The following EYS variants were observed in gnomAD, a reference collection of about 807,000 sequenced individuals.
EYS encodes the protein protein eyes shut homolog.
In EYS, 250 loss-of-function variants were observed where a neutral mutation model predicts 282.1. The ratio of observed to expected loss-of-function variants is 0.89; its 90% confidence interval spans 0.80 to 0.98. The LOEUF is 0.98. Among genes scored for constraint, EYS ranks in the 50% least tolerant of loss-of-function variants. EYS has a pLI of 0.00. For synonymous variants in EYS, 1,355 were observed against 1,282.9 expected, an observed-to-expected ratio of 1.06 and a Z score of -1.20; for missense variants, 4,016 against 3,709.0, an observed-to-expected ratio of 1.08 and a Z score of -2.15.
chr6:64,735,630 T>C (rs1772162159), intron 22 of EYS, among the ~76,000 whole-genome samples: 1 of 152,214 alleles, frequency 6.6e-6, no homozygotes, highest in Non-Finnish European at 1.5e-5. Context: ...AGGAAAATGA[T>C]TGTACACATT....
intron 29 of EYS, among the ~76,000 whole-genome samples, chr6:64,384,495 T>C (rs560740281): frequency 5.7e-4 from 87 of 152,312 alleles, no homozygotes; most frequent in Middle Eastern, 3.4e-3. Context: ...CTTCTGCATA[T>C]ATAAAAAACA....
chr6:64,821,396 C>T (rs972033170), intron 21 of EYS, among the ~76,000 whole-genome samples: 3 of 151,498 alleles, frequency 2.0e-5, no homozygotes, highest in East Asian at 3.9e-4. Context: ...GTGGGGCGGT[C>T]GGCGGGAGGG....
At position 64,288,197 on chromosome 6, in the gene EYS, T is replaced by A. The variant is rs147146976; in HGVS notation, c.6191+18773A>T. Among the ~76,000 whole-genome samples the A allele has an allele frequency of 2.4e-3, 370 of 152,258 alleles. 1 individual carries two copies. The highest frequency in any genetic ancestry group is 8.1e-3 in the African/African-American group (336 of 41,570). ...GCTCTTTTCACTCTGCACAGTTTCC[T>A]TGGGTGTCTTTTTACTCATTTTAAT... On this transcript the variant is annotated intron_variant, in intron 30 of 42. Coordinates refer to ENST00000503581, the MANE Select transcript of EYS (RefSeq NM_001142800.2).
intron 33 of EYS, among the ~76,000 whole-genome samples, chr6:64,055,520 C>T (rs565950705): frequency 1.3e-5 from 2 of 152,224 alleles, no homozygotes; most frequent in African/African-American, 4.8e-5. Flanking sequence ...CTGCCTTTTA[C>T]GTGTCCTGTG....
At chr6:63,928,592 A>G (rs1027167211) in intron 35 of EYS, among the ~76,000 whole-genome samples, 3 of 152,114 alleles carry the variant, frequency 2.0e-5, no homozygotes, top group Non-Finnish European at 4.4e-5. Flanking sequence ...GCATGATAAT[A>G]AGTATATATC....
chr6:64,238,036 T>C (rs1309581144), intron 30 of EYS, among the ~76,000 whole-genome samples: 2 of 152,194 alleles, frequency 1.3e-5, no homozygotes, highest in African/African-American at 4.8e-5. Context: ...CCTTAATAAG[T>C]TTAGTAAGAT....
At chr6:63,924,098 T>C (rs1581982002) in intron 35 of EYS, among the ~76,000 whole-genome samples, 1 of 152,136 alleles carries the variant, frequency 6.6e-6, no homozygotes, top group African/African-American at 2.4e-5. Context: ...AATTCAGTGA[T>C]GGGAAGGAAA....
intron 2 of EYS, among the ~76,000 whole-genome samples, chr6:65,602,941 G>A (rs2149790902): frequency 6.6e-6 from 1 of 152,076 alleles, no homozygotes; most frequent in Middle Eastern, 3.4e-3. Flanking sequence ...TTAGGAGAAT[G>A]ACTAAGGTAA....
intron 33 of EYS, among the ~76,000 whole-genome samples, chr6:64,049,832 A>G (rs1770747606): frequency 6.6e-6 from 1 of 152,200 alleles, no homozygotes. Flanking sequence ...AGACAGATAG[A>G]AATGAGGTTA....
chr6:64,939,373 T>A lies in EYS; in HGVS notation c.2381+6420A>T, dbSNP rs537434557. On this transcript the variant is annotated intron_variant, in intron 15 of 42. Coordinates refer to ENST00000503581, the MANE Select transcript of EYS (RefSeq NM_001142800.2). Reference sequence around the variant, plus strand: ...GTTTGTCTTAATTTAGGTAACAAAATCTCCTGAAACATTTATACATTTAAA... The same window carrying A: ...GTTTGTCTTAATTTAGGTAACAAAAACTCCTGAAACATTTATACATTTAAA... Among the ~76,000 whole-genome samples, 75 of 151,916 alleles carry A rather than the reference T, an allele frequency of 4.9e-4. 1 individual carries two copies. The highest frequency in any genetic ancestry group is 3.4e-3 in the Middle Eastern group (1 of 292).
At chr6:64,174,715 T>C (rs1177382496) in intron 31 of EYS, among the ~76,000 whole-genome samples, 1 of 151,970 alleles carries the variant, frequency 6.6e-6, no homozygotes, top group African/African-American at 2.4e-5. Context: ...TAGTCAATTA[T>C]TTAGTGTAAA....
At chr6:64,361,198 A>G (rs1003956304) in intron 29 of EYS, among the ~76,000 whole-genome samples, 3 of 110,410 alleles carry the variant, frequency 2.7e-5, no homozygotes, top group Non-Finnish European at 5.7e-5. Flanking sequence ...TTATGATTTA[A>G]TCAGAAAATA....
intron 22 of EYS, among the ~76,000 whole-genome samples, chr6:64,779,057 T>TA (rs1562187161): frequency 6.6e-6 from 1 of 152,116 alleles, no homozygotes; most frequent in African/African-American, 2.4e-5. Context: ...GCAAAAATGA[T>TA]ACAACCACTT....
chr6:65,397,929 A>G (rs1766349329), intron 7 of EYS, among the ~76,000 whole-genome samples: 1 of 151,810 alleles, frequency 6.6e-6, no homozygotes, highest in Admixed American at 6.6e-5. Context: ...TTGTTTCTTG[A>G]CTTTTTAGTA....
At chr6:64,131,390 C>T (rs1364689280) in intron 31 of EYS, among the ~76,000 whole-genome samples, 1 of 151,952 alleles carries the variant, frequency 6.6e-6, no homozygotes, top group Non-Finnish European at 1.5e-5. Flanking sequence ...ATGTTGCTTG[C>T]TCAAAATAAT....
chr6:63,826,888 AT>A (rs1771483484), intron 36 of EYS, among the ~76,000 whole-genome samples: 1 of 151,584 alleles, frequency 6.6e-6, no homozygotes, highest in Non-Finnish European at 1.5e-5. Flanking sequence ...AAAAAAATAC[AT>A]AGGCAACAAA....
intron 31 of EYS, among the ~76,000 whole-genome samples, chr6:64,125,154 G>GCGCGCGCGCGCTCTCTCTCTC (rs1773724746): frequency 2.8e-5 from 4 of 145,332 alleles, no homozygotes; most frequent in African/African-American, 1.0e-4. Flanking sequence ...CACACTCTCT[G>GCGCGCGCGCGCTCTCTCTCTC]TCTCTCTCTC....
chr6:65,268,519 G>A (rs1482760183), intron 12 of EYS, among the ~76,000 whole-genome samples: 1 of 151,948 alleles, frequency 6.6e-6, no homozygotes, highest in Non-Finnish European at 1.5e-5. Flanking sequence ...TGCAAATAAA[G>A]TCATTGATAA....
At chr6:65,641,630 TTGTC>T (rs1486799192) in intron 1 of EYS, among the ~76,000 whole-genome samples, 4 of 152,344 alleles carry the variant, frequency 2.6e-5, no homozygotes, top group African/African-American at 7.2e-5. Flanking sequence ...TGGTTGAACT[TTGTC>T]TGTACTGCGT....
Sources: gnomAD v4.1 joint callset for allele counts (sites outside exome capture counted in the v4.1 genomes callset) on GRCh38, gnomAD v4.1.1 for gene constraint, MANE v1.5 for transcripts, NCBI Gene and HGNC (gene_info 2026-07-23, HGNC 2026-07-21) for gene names.